The following ZRSR2 variants were observed in gnomAD, a reference collection of about 807,000 sequenced individuals.
The protein encoded by ZRSR2 is U2 small nuclear ribonucleoprotein auxiliary factor 35 kDa subunit-related protein 2.
ZRSR2 carries 3 observed loss-of-function variants against 39.4 expected under a neutral mutation model. The ratio of observed to expected loss-of-function variants is 0.08; its 90% CI spans 0.03 to 0.20. ZRSR2 has a LOEUF of 0.20. Ranked by LOEUF, ZRSR2 falls within the 10% of genes least tolerant of loss-of-function variation. ZRSR2 has a pLI of 1.00. For missense variants in ZRSR2, 256 were observed against 391.5 expected, an observed-to-expected ratio of 0.65 and a Z score of 2.92; for synonymous variants, 137 against 136.0, an observed-to-expected ratio of 1.01 and a Z score of -0.05.
chrX:15,820,433 G>A, intron 10 of ZRSR2, 117 bp downstream of exon 10: 1 of 626,158 alleles, frequency 1.6e-6, no homozygotes, highest in South Asian at 2.8e-5. Context: ...GCCTCACACA[G>A]TAGATGAGCA....
intron 7 of ZRSR2, among the ~76,000 whole-genome samples, chrX:15,812,044 C>G (rs1486583967): frequency 9.0e-6 from 1 of 111,432 alleles, no homozygotes; most frequent in East Asian, 2.8e-4. Context: ...ATTCTCCTGC[C>G]TCAGCCTCCC....
At chrX:15,802,994 G>A (rs1017527998) in intron 3 of ZRSR2, among the ~76,000 whole-genome samples, 1 of 109,512 alleles carries the variant, frequency 9.1e-6, no homozygotes, top group Non-Finnish European at 1.9e-5. Flanking sequence ...TGGGTGCAGT[G>A]GCTCACACAT....
At chrX:15,793,157 A>G (rs1932337841) in intron 2 of ZRSR2, among the ~76,000 whole-genome samples, 2 of 112,212 alleles carry the variant, frequency 1.8e-5, no homozygotes, top group South Asian at 7.3e-4. Flanking sequence ...TGAAATTTTC[A>G]GCTACTTTAC....
Position 15,823,222 on chromosome X carries a change from C to T in ZRSR2, c.1429C>T (p.Gln477Ter). ...RRSGNRDRTV[Q>*]SPKSK is the part of the protein sequence containing the mutation. ...GTCGGGTAATAGAGACAGAACTGTTCAGAGTCCCAAATCCAAATAAACTAG... is the reference window on the plus strand; with the variant it reads ...GTCGGGTAATAGAGACAGAACTGTTTAGAGTCCCAAATCCAAATAAACTAG... The change falls in exon 11 of 11, where the codon CAG becomes TAG. Residue 477 changes from glutamine (Q) to a stop codon, truncating the protein, a stop_gained. Coordinates refer to ENST00000307771, the MANE Select transcript of ZRSR2 (RefSeq NM_005089.4). LOFTEE classifies it high-confidence loss of function. 1 of 1,159,987 alleles carries T rather than the reference C, an allele frequency of 8.6e-7. No homozygotes were observed. The highest frequency in any genetic ancestry group is 1.1e-6 in the Non-Finnish European group (1 of 872,183).
At chrX:15,798,825 T>C (rs1239670474) in intron 2 of ZRSR2, among the ~76,000 whole-genome samples, 1 of 111,935 alleles carries the variant, frequency 8.9e-6, no homozygotes, top group Non-Finnish European at 1.9e-5. Flanking sequence ...AAACTTCTTA[T>C]TGCATACATC....
intron 8 of ZRSR2, 111 bp downstream of exon 8, chrX:15,816,001 A>C (rs1204325232): frequency 3.8e-6 from 2 of 524,261 alleles, no homozygotes; most frequent in Non-Finnish European, 5.9e-6. Context: ...AGCACTCTAT[A>C]AATGTGACTT....
intron 7 of ZRSR2, among the ~76,000 whole-genome samples, chrX:15,813,206 A>G (rs1275171095): frequency 8.9e-6 from 1 of 112,198 alleles, no homozygotes; most frequent in African/African-American, 3.2e-5. Context: ...GCCTAAGGTA[A>G]TATCCAACAA....
chrX:15,805,717 G>T (rs1184537600), intron 5 of ZRSR2, among the ~76,000 whole-genome samples: 1 of 110,695 alleles, frequency 9.0e-6, no homozygotes, highest in Non-Finnish European at 1.9e-5. Context: ...GGATCACGAG[G>T]TCAGGAGTTC....
chrX:15,800,186 C>CTTTTTT (rs752445746), intron 3 of ZRSR2, among the ~76,000 whole-genome samples: 4 of 79,304 alleles, frequency 5.0e-5, no homozygotes, highest in African/African-American at 1.9e-4. Context: ...TTTTTTCTTT[C>CTTTTTT]TTTTTTTTTT....
intron 4 of ZRSR2, 140 bp from the exon 5 acceptor site, chrX:15,803,971 A>G (rs1407551260): frequency 3.1e-6 from 3 of 978,838 alleles, no homozygotes; most frequent in Admixed American, 8.4e-5. Context: ...AGAGTTGCCT[A>G]TCTTGAACTT....
In ZRSR2 at chrX:15,797,452, C is replaced by T. The variant is rs183673771; in HGVS notation, c.122-2420C>T. Among the ~76,000 whole-genome samples the T allele has an allele frequency of 1.9e-3, 206 of 111,172 alleles. 1 individual carries two copies. Among genetic ancestry groups the T allele is most frequent in the Middle Eastern group, 9.3e-3 (2 of 216 alleles). On this transcript the variant is annotated intron_variant, in intron 2 of 10. Transcript: ENST00000307771. Reference sequence around the variant, plus strand: ...CTCGAACTCCTGACCTCAGGTGATCCGCCCGCCTTGGCCTCCCAAAGTGCT... The same window carrying T: ...CTCGAACTCCTGACCTCAGGTGATCTGCCCGCCTTGGCCTCCCAAAGTGCT...
intron 5 of ZRSR2, among the ~76,000 whole-genome samples, chrX:15,807,935 A>G (rs1417202194): frequency 5.4e-5 from 6 of 110,283 alleles, no homozygotes; most frequent in African/African-American, 2.0e-4. Context: ...AGCTACTCGG[A>G]AGGCTGAGGT....
chrX:15,793,346 G>A (rs1932343321), intron 2 of ZRSR2, among the ~76,000 whole-genome samples: 1 of 110,681 alleles, frequency 9.0e-6, no homozygotes, highest in Non-Finnish European at 1.9e-5. Context: ...GGAGAGTCAG[G>A]CGAGTCATGT....
At chrX:15,791,660 T>C (rs867176137) in intron 2 of ZRSR2, among the ~76,000 whole-genome samples, 2,164 of 93,230 alleles carry the variant, frequency 0.023, 65 homozygotes, top group African/African-American at 0.078. Flanking sequence ...TTTCTTTTTT[T>C]TTTTTTTTTT....
chrX:15,799,982 A>G, intron 3 of ZRSR2, 29 bp downstream of exon 3: 1 of 1,027,667 alleles, frequency 9.7e-7, no homozygotes, highest in Non-Finnish European at 1.3e-6. Context: ...ACTTAAAGTG[A>G]ATGAAGTTAT....
chrX:15,800,380 T>C (rs1354663132), intron 3 of ZRSR2, among the ~76,000 whole-genome samples: 4 of 108,932 alleles, frequency 3.7e-5, no homozygotes, highest in Non-Finnish European at 7.6e-5. Context: ...AGAGACAGGG[T>C]TTCACCATGT....
intron 8 of ZRSR2, among the ~76,000 whole-genome samples, chrX:15,817,291 C>T (rs1049412659): frequency 2.7e-5 from 3 of 111,558 alleles, no homozygotes; most frequent in South Asian, 3.7e-4. Flanking sequence ...CATGGATTCC[C>T]GAGGCCTTTT....
At chrX:15,820,971 TC>T (rs1933091980) in intron 10 of ZRSR2, among the ~76,000 whole-genome samples, 1 of 111,799 alleles carries the variant, frequency 8.9e-6, no homozygotes, top group South Asian at 3.7e-4. Context: ...AGTGGACTGT[TC>T]CCTAGGTGAA....
intron 5 of ZRSR2, among the ~76,000 whole-genome samples, chrX:15,807,298 C>T (rs766057614): frequency 1.5e-4 from 16 of 110,215 alleles, no homozygotes; most frequent in African/African-American, 3.0e-4. Context: ...TTTGTTTGTT[C>T]GTTTTTTTTT....
Sources: gnomAD v4.1 joint callset for allele counts (sites outside exome capture counted in the v4.1 genomes callset) on GRCh38, gnomAD v4.1.1 for gene constraint, MANE v1.5 for transcripts, NCBI Gene and HGNC (gene_info 2026-07-23, HGNC 2026-07-21) for gene names.